The following EXOC4 variants were observed in gnomAD, a reference collection of about 807,000 sequenced individuals.
EXOC4 encodes exocyst complex component 4, also known as SEC8-like 1.
Under a neutral mutation model 107.2 loss-of-function variants are expected in EXOC4, and 71 were observed. The observed-to-expected ratio is 0.66, with a 90% CI of 0.55 to 0.81. EXOC4 has a LOEUF of 0.81. EXOC4 is among the 30% of genes least tolerant of loss of function. The pLI is 0.00. For synonymous variants in EXOC4, 456 were observed against 441.2 expected (o/e 1.03, Z -0.42); for missense variants, 1,108 against 1,189.6 (o/e 0.93, Z 1.01).
chr7:133,565,305 A>T (rs1800886520), intron 9 of EXOC4, among the ~76,000 whole-genome samples: 1 of 152,228 alleles, frequency 6.6e-6, no homozygotes, highest in Admixed American at 6.5e-5. Flanking sequence ...AAATGACAGT[A>T]GTCAATAATT....
intron 10 of EXOC4, among the ~76,000 whole-genome samples, chr7:133,779,748 A>G (rs144732362): frequency 0.017 from 2,591 of 152,114 alleles, 70 homozygotes; most frequent in African/African-American, 0.059. Context: ...AAATAGACCA[A>G]TCAGCAGCCT....
At chr7:133,721,442 C>T (rs1025571295) in intron 10 of EXOC4, among the ~76,000 whole-genome samples, 3 of 152,068 alleles carry the variant, frequency 2.0e-5, no homozygotes, top group East Asian at 1.9e-4. Context: ...AAAAACGATA[C>T]GTTTGGAAGT....
chr7:133,326,612 G>T (rs1795248305), intron 5 of EXOC4, among the ~76,000 whole-genome samples: 1 of 152,182 alleles, frequency 6.6e-6, no homozygotes, highest in Non-Finnish European at 1.5e-5. Flanking sequence ...GTGTCATTCT[G>T]CCCCTACTGG....
intron 17 of EXOC4, among the ~76,000 whole-genome samples, chr7:134,009,144 C>T (rs10488419): frequency 0.14 from 21,117 of 152,022 alleles, 1,990 homozygotes; most frequent in East Asian, 0.41. Flanking sequence ...TGGATTATTC[C>T]GTAAACTCCC....
chr7:133,336,672 T>C (rs1795519987), intron 5 of EXOC4, among the ~76,000 whole-genome samples: 1 of 150,704 alleles, frequency 6.6e-6, no homozygotes, highest in Non-Finnish European at 1.5e-5. Context: ...TTTTTCTGTT[T>C]TGTTTCATTT....
intron 16 of EXOC4, among the ~76,000 whole-genome samples, chr7:134,006,060 CA>C (rs1328714398): frequency 5.3e-5 from 8 of 152,168 alleles, no homozygotes; most frequent in Non-Finnish European, 1.2e-4. Flanking sequence ...TAATATTCTG[CA>C]GCTTTCAGCT....
At chr7:133,831,595 G>A (rs1000178229) in intron 11 of EXOC4, among the ~76,000 whole-genome samples, 4 of 150,122 alleles carry the variant, frequency 2.7e-5, no homozygotes, top group African/African-American at 9.8e-5. Flanking sequence ...TTACTTTCTG[G>A]CACTACAAGG....
chr7:133,720,983 T>C lies in EXOC4; in HGVS notation c.1514+90842T>C, dbSNP rs916857474. ...TGTGTAGCTTAGTGGTATTTGATGT[T>C]GAAATGGTAATTTTGCTCTATTCCT... On this transcript the variant is annotated intron_variant, in intron 10 of 17. Transcript: ENST00000253861. 2.6e-5 allele frequency among the ~76,000 whole-genome samples: 4 copies of C among 152,220 alleles called. No individual in the cohort carries two copies. In the South Asian group the frequency reaches 8.3e-4, roughly 32 times the overall value.
chr7:133,950,815 T>C (rs1237296339), intron 14 of EXOC4, among the ~76,000 whole-genome samples: 1 of 152,198 alleles, frequency 6.6e-6, no homozygotes, highest in African/African-American at 2.4e-5. Context: ...TTGCTCAAAC[T>C]TTACCCAGAG....
downstream of EXOC4, among the ~76,000 whole-genome samples, chr7:134,069,017 T>G (rs1249678998): frequency 2.6e-5 from 4 of 152,138 alleles, no homozygotes; most frequent in Admixed American, 2.0e-4. Context: ...TCCTCTCTGA[T>G]CTACCCTTCC....
intron 8 of EXOC4, 83 bp from the exon 9 acceptor site, chr7:133,479,967 A>C: frequency 8.8e-7 from 1 of 1,132,380 alleles, no homozygotes; most frequent in Non-Finnish European, 1.3e-6. Flanking sequence ...CACAGACCAG[A>C]GTAGAATAAT....
intron 7 of EXOC4, among the ~76,000 whole-genome samples, chr7:133,452,641 T>C (rs1040800615): frequency 1.5e-4 from 22 of 151,096 alleles, no homozygotes; most frequent in Admixed American, 3.3e-4. Flanking sequence ...TTTCTATAAA[T>C]GTTATTTTTA....
At position 133,465,059 on chromosome 7, in the gene EXOC4, A is replaced by G. The variant is rs528384881; in HGVS notation, c.1183-10269A>G. On this transcript the variant is annotated intron_variant, in intron 7 of 17. Transcript: ENST00000253861. ...GGTCTTGAATTCCTGGCCTCAAGCA[A>G]TCCTCCCACCTTGGCCTCACAAAGT... Among the ~76,000 whole-genome samples the G allele has an allele frequency of 7.2e-5, 11 of 151,854 alleles. No homozygotes were observed. The South Asian group carries it at 1.7e-3, about 23-fold the overall frequency.
chr7:133,793,612 A>G (rs1298473699), intron 10 of EXOC4, among the ~76,000 whole-genome samples: 1 of 152,226 alleles, frequency 6.6e-6, no homozygotes, highest in African/African-American at 2.4e-5. Context: ...TGGGAGGCCA[A>G]GGTGGACGGA....
intron 14 of EXOC4, among the ~76,000 whole-genome samples, chr7:133,943,613 T>C (rs10247553): frequency 0.016 from 2,480 of 152,272 alleles, 76 homozygotes; most frequent in African/African-American, 0.055. Context: ...GCTATATTTA[T>C]GTAATTTGTT....
At chr7:134,002,304 C>T (rs546395888) in intron 15 of EXOC4, among the ~76,000 whole-genome samples, 1 of 152,220 alleles carries the variant, frequency 6.6e-6, no homozygotes, top group East Asian at 1.9e-4. Context: ...GAATATGACA[C>T]ATCCCATATA....
At chr7:133,852,978 G>C (rs1313119736) in intron 11 of EXOC4, among the ~76,000 whole-genome samples, 1 of 152,150 alleles carries the variant, frequency 6.6e-6, no homozygotes, top group Admixed American at 6.5e-5. Flanking sequence ...AGTATTCCTT[G>C]AAGGCCTGGC....
the EXOC4 span, among the ~76,000 whole-genome samples, chr7:134,085,481 C>G: frequency 6.6e-6 from 1 of 152,160 alleles, no homozygotes; most frequent in Admixed American, 6.5e-5. Context: ...TTCCTGTACT[C>G]CTCACTCCCA....
chr7:133,274,866 AG>A (rs1311941099), intron 1 of EXOC4, 115 bp from the exon 2 acceptor site: 13 of 744,510 alleles, frequency 1.7e-5, no homozygotes, highest in Non-Finnish European at 2.6e-5. Context: ...TTCATTTCCT[AG>A]TTAATAAGAT....
Sources: allele counts gnomAD v4.1 joint callset (sites outside exome capture counted in the v4.1 genomes callset), GRCh38; gene constraint gnomAD v4.1.1; transcripts MANE v1.5; gene names NCBI Gene and HGNC (gene_info 2026-07-23, HGNC 2026-07-21).